NAALADL2: variants seen among roughly 807,000 people sequenced by gnomAD.
The protein encoded by NAALADL2 is N-acetylated alpha-linked acidic dipeptidase like 2.
Under a neutral mutation model 87.2 loss-of-function variants are expected in NAALADL2, and 76 were observed. The observed-to-expected ratio is 0.87, with a 90% CI of 0.72 to 1.05. NAALADL2 has a LOEUF of 1.05. Ranked by LOEUF, NAALADL2 falls within the 50% of genes least tolerant of loss-of-function variation. The pLI, the probability that NAALADL2 is intolerant of heterozygous loss-of-function variation, is 0.00. For missense variants in NAALADL2, 1,089 were observed against 945.8 expected (o/e 1.15, Z -1.99); for synonymous variants, 354 against 331.0 (o/e 1.07, Z -0.75).
chr3:175,652,907 C>G (rs1730977884), intron 11 of NAALADL2, among the ~76,000 whole-genome samples: 1 of 152,050 alleles, frequency 6.6e-6, no homozygotes, highest in Non-Finnish European at 1.5e-5. Context: ...TTTGACTCTC[C>G]AAAAACTTAA....
intron 1 of NAALADL2, among the ~76,000 whole-genome samples, chr3:174,945,394 G>T (rs1348031611): frequency 6.6e-6 from 1 of 152,106 alleles, no homozygotes; most frequent in Admixed American, 6.6e-5. Flanking sequence ...CTGCTCTTCT[G>T]TGATACTGCA....
At chr3:175,382,014 C>G (rs1010040100) in intron 5 of NAALADL2, among the ~76,000 whole-genome samples, 1 of 152,150 alleles carries the variant, frequency 6.6e-6, no homozygotes, top group Non-Finnish European at 1.5e-5. Context: ...ACTGCTGTGT[C>G]TTGTCCTGTC....
intron 3 of NAALADL2, among the ~76,000 whole-genome samples, chr3:175,249,661 C>T (rs1748649854): frequency 6.6e-6 from 1 of 152,000 alleles, no homozygotes; most frequent in Admixed American, 6.6e-5. Context: ...TTTTGTTCCT[C>T]CCAGTATAAA....
intron 5 of NAALADL2, among the ~76,000 whole-genome samples, chr3:175,368,954 A>T (rs1438978144): frequency 6.6e-6 from 1 of 152,150 alleles, no homozygotes; most frequent in Non-Finnish European, 1.5e-5. Flanking sequence ...AACTTGTGGG[A>T]GTAGAAGTTG....
At chr3:174,884,561 C>T (rs933006010) in intron 1 of NAALADL2, among the ~76,000 whole-genome samples, 17 of 152,162 alleles carry the variant, frequency 1.1e-4, no homozygotes, top group Admixed American at 3.3e-4. Context: ...TATGAGTCCA[C>T]GGATGGTAGT....
intron 13 of NAALADL2, among the ~76,000 whole-genome samples, chr3:175,766,597 C>G (rs9837545): frequency 2.6e-5 from 4 of 152,018 alleles, no homozygotes; most frequent in African/African-American, 9.7e-5. Flanking sequence ...CCTATGAAAT[C>G]ATGTTAGACA....
chr3:175,313,022 T>C (rs1758584168), intron 4 of NAALADL2, among the ~76,000 whole-genome samples: 1 of 152,052 alleles, frequency 6.6e-6, no homozygotes, highest in South Asian at 2.1e-4. Context: ...CAGTTTGGAG[T>C]CAAGAAGTCC....
intron 2 of NAALADL2, among the ~76,000 whole-genome samples, chr3:175,173,103 C>A (rs899413889): frequency 2.6e-5 from 4 of 151,520 alleles, no homozygotes; most frequent in African/African-American, 9.7e-5. Flanking sequence ...TAAGCCTGGG[C>A]GACATGGCTA....
At chr3:175,596,528 A>G (rs1722265688) in intron 10 of NAALADL2, among the ~76,000 whole-genome samples, 1 of 151,930 alleles carries the variant, frequency 6.6e-6, no homozygotes, top group South Asian at 2.1e-4. Flanking sequence ...TAATCCTTAA[A>G]ATTAGTGTTT....
At chr3:174,842,031 C>A (rs991167415) in intron 3 of NAALADL2, among the ~76,000 whole-genome samples, 6 of 148,968 alleles carry the variant, frequency 4.0e-5, no homozygotes, top group African/African-American at 1.5e-4. Flanking sequence ...TTTCCATGAT[C>A]GTGTTAAATG....
intron 2 of NAALADL2, among the ~76,000 whole-genome samples, chr3:174,584,529 T>C (rs1274995502): frequency 6.6e-6 from 1 of 152,128 alleles, no homozygotes; most frequent in Non-Finnish European, 1.5e-5. Flanking sequence ...AAAAAATTAT[T>C]TTCAAATGTT....
rs867185402 is a variant in NAALADL2, at chr3:174,553,311, G to T, written c.-115+2674G>T. Among the ~76,000 whole-genome samples the T allele has an allele frequency of 2.0e-5, 3 of 152,096 alleles. No individual in the cohort carries two copies. In the South Asian group the frequency reaches 6.2e-4, roughly 32 times the overall value. ...AGCAAAACCAAACAAATCTGGATTT[G>T]TATATTTGGTCAATTAAACTCCTAA... On this transcript the variant is annotated intron_variant, in intron 2 of 3. Coordinates refer to the NAALADL2 transcript ENST00000434257.
intron 1 of NAALADL2, among the ~76,000 whole-genome samples, chr3:174,968,123 T>A (rs1743125577): frequency 6.6e-6 from 1 of 152,244 alleles, no homozygotes; most frequent in African/African-American, 2.4e-5. Context: ...CACTATCTAA[T>A]GATTTGTCCT....
At position 175,468,803 on chromosome 3, in the gene NAALADL2, A is replaced by T. The variant is rs557296535; in HGVS notation, c.1533+1619A>T. 9.9e-5 allele frequency among the ~76,000 whole-genome samples: 15 copies of T among 152,204 alleles called. No individual in the cohort carries two copies. The South Asian group carries it at 2.9e-3, about 29-fold the overall frequency. ...TAAAAAGTTTAGTTGAGCATCAAGC[A>T]TCAGAGCCTGTGAGTTGAATCAATG... On this transcript the variant is annotated intron_variant, in intron 8 of 13. Coordinates refer to ENST00000454872, the MANE Select transcript of NAALADL2 (RefSeq NM_207015.3).
At chr3:175,510,526 T>C (rs1731013466) in intron 9 of NAALADL2, among the ~76,000 whole-genome samples, 1 of 152,214 alleles carries the variant, frequency 6.6e-6, no homozygotes, top group African/African-American at 2.4e-5. Context: ...GGTTCAGTTG[T>C]ACCAACTGTT....
chr3:175,371,406 T>G (rs1483376614), intron 5 of NAALADL2, among the ~76,000 whole-genome samples: 2 of 152,080 alleles, frequency 1.3e-5, no homozygotes, highest in Non-Finnish European at 2.9e-5. Flanking sequence ...TAGCTGGGAT[T>G]ACAGGCGCCC....
intron 1 of NAALADL2, among the ~76,000 whole-genome samples, chr3:174,518,111 A>G (rs1460497757): frequency 1.3e-5 from 2 of 152,078 alleles, no homozygotes; most frequent in Non-Finnish European, 2.9e-5. Flanking sequence ...AGCTGTAGTC[A>G]ATTTTTACTA....
At chr3:175,225,628 A>G (rs2109391944) in intron 2 of NAALADL2, among the ~76,000 whole-genome samples, 1 of 152,244 alleles carries the variant, frequency 6.6e-6, no homozygotes, top group Admixed American at 6.6e-5. Context: ...TTCTATTACA[A>G]TCTTATCAAA....
At chr3:174,567,409 A>T (rs1258982234) in intron 2 of NAALADL2, among the ~76,000 whole-genome samples, 1 of 151,420 alleles carries the variant, frequency 6.6e-6, no homozygotes, top group Non-Finnish European at 1.5e-5. Flanking sequence ...TTTCAATATA[A>T]TTTTTTTCAA....
Sources: gnomAD v4.1 joint callset for allele counts (sites outside exome capture counted in the v4.1 genomes callset) on GRCh38, gnomAD v4.1.1 for gene constraint, MANE v1.5 for transcripts, NCBI Gene and HGNC (gene_info 2026-07-23, HGNC 2026-07-21) for gene names.